Variants in LGSN observed in about 807,000 individuals in gnomAD.
The protein encoded by LGSN is lengsin.
A neutral mutation model predicts 19.5 loss-of-function variants in LGSN; 21 were observed. The observed-to-expected ratio is 1.07, with a 90% CI of 0.76 to 1.55. The LOEUF is 1.55. LGSN is among the 40% of genes most tolerant of loss of function. The pLI is 0.00. For synonymous variants in LGSN, 257 were observed against 215.6 expected, an observed-to-expected ratio of 1.19 and a Z score of -1.68; for missense variants, 673 against 608.5, an observed-to-expected ratio of 1.11 and a Z score of -1.12.
chr6:63,374,953 T>C, the LGSN span, among the ~76,000 whole-genome samples: 1 of 152,216 alleles, frequency 6.6e-6, no homozygotes, highest in African/African-American at 2.4e-5. Context: ...AAAAAAAAGT[T>C]GCTGATAATA....
At chr6:63,322,618 A>G (rs796589042), upstream of LGSN, among the ~76,000 whole-genome samples, 33 of 152,280 alleles carry the variant, frequency 2.2e-4, no homozygotes, top group African/African-American at 7.9e-4. Context: ...CAAAAATTAT[A>G]AGGAGTAATA....
chr6:63,323,569 C>T (rs994621205), upstream of LGSN, among the ~76,000 whole-genome samples: 1,005 of 125,018 alleles, frequency 8.0e-3, 14 homozygotes, highest in African/African-American at 0.025. Flanking sequence ...TACACACACA[C>T]ACACACACAC....
intron 2 of LGSN, among the ~76,000 whole-genome samples, chr6:63,294,523 C>T (rs980667279): frequency 3.3e-5 from 5 of 152,070 alleles, no homozygotes; most frequent in African/African-American, 7.2e-5. Context: ...CTGTTGAAAT[C>T]TAGTTGGAGT....
chr6:63,373,770 C>T, the LGSN span, among the ~76,000 whole-genome samples: 11 of 151,956 alleles, frequency 7.2e-5, no homozygotes, highest in East Asian at 1.9e-4. Context: ...GTCAGAGGTT[C>T]GAGATCAGCC....
the LGSN span, among the ~76,000 whole-genome samples, chr6:63,405,181 A>G: frequency 6.6e-6 from 1 of 151,942 alleles, no homozygotes; most frequent in African/African-American, 2.4e-5. Context: ...TATATGTGCC[A>G]CATTTTCTTA....
chr6:63,373,155 T>C, the LGSN span, among the ~76,000 whole-genome samples: 2 of 152,216 alleles, frequency 1.3e-5, no homozygotes, highest in African/African-American at 2.4e-5. Flanking sequence ...TGCAAACACA[T>C]GTGACTCACC....
chr6:63,526,829 ATATATATTTATT>A, the LGSN span, among the ~76,000 whole-genome samples: 14 of 139,998 alleles, frequency 1.0e-4, no homozygotes, highest in African/African-American at 3.7e-4. Flanking sequence ...ATATATATAT[ATATATATTTATT>A]TATTTATTCT....
At chr6:63,505,355 T>A in the LGSN span, among the ~76,000 whole-genome samples, 1 of 151,518 alleles carries the variant, frequency 6.6e-6, no homozygotes, top group Admixed American at 6.6e-5. Context: ...GGTGGGTGGA[T>A]CACCTTGAGG....
chr6:63,402,721 C>T, the LGSN span, among the ~76,000 whole-genome samples: 3 of 151,578 alleles, frequency 2.0e-5, no homozygotes, highest in Non-Finnish European at 4.4e-5. Flanking sequence ...CATGTGTCAA[C>T]TTGACTAAGC....
rs1262499883 is a variant in LGSN, at chr6:63,276,190, G to T, written c.*3831C>A. The T allele has an allele frequency of 6.6e-6, 1 of 152,184 alleles. No homozygotes were observed. Among genetic ancestry groups the T allele is most frequent in the Non-Finnish European group, 1.5e-5 (1 of 68,026 alleles). 9.4% of individuals were successfully genotyped at this position (152,184 alleles called of 1,614,324 possible). A position where few individuals can be genotyped will look rare whatever the true frequency, so the allele number is the denominator to read the frequency against. On this transcript the variant is annotated 3_prime_UTR_variant, in exon 4 of 4. Coordinates refer to ENST00000370657, the MANE Select transcript of LGSN (RefSeq NM_016571.3). ...TTGGTGAGTGTATTTTGTCAAACAG[G>T]TGACTGGAGATATGTCAATAGACTG...
At chr6:63,332,996 G>A in the LGSN span, among the ~76,000 whole-genome samples, 1 of 151,968 alleles carries the variant, frequency 6.6e-6, no homozygotes, top group Non-Finnish European at 1.5e-5. Flanking sequence ...CTGGCTTCAG[G>A]AGTGAAGCTT....
At chr6:63,465,083 C>T in the LGSN span, among the ~76,000 whole-genome samples, 1 of 151,862 alleles carries the variant, frequency 6.6e-6, no homozygotes, top group Non-Finnish European at 1.5e-5. Flanking sequence ...TTACCCACCC[C>T]ATGCTCTTGT....
chr6:63,549,329 A>G, the LGSN span: 7 of 753,888 alleles, frequency 9.3e-6, no homozygotes, highest in Non-Finnish European at 1.7e-5. Flanking sequence ...GCAACCTGAT[A>G]TAGTGGGGGC....
At chr6:63,564,281 A>C in the LGSN span, among the ~76,000 whole-genome samples, 1 of 152,058 alleles carries the variant, frequency 6.6e-6, no homozygotes, top group African/African-American at 2.4e-5. Flanking sequence ...GTCTCAAAAA[A>C]AAAAAAAAAG....
At chr6:63,479,233 C>G in the LGSN span, among the ~76,000 whole-genome samples, 17 of 152,054 alleles carry the variant, frequency 1.1e-4, no homozygotes, top group Admixed American at 6.6e-5. Flanking sequence ...AGCGTATCAG[C>G]AAGGGAGACC....
chr6:63,556,312 T>A, the LGSN span, among the ~76,000 whole-genome samples: 1 of 151,830 alleles, frequency 6.6e-6, no homozygotes, highest in African/African-American at 2.4e-5. Flanking sequence ...GTGTATAACA[T>A]CAAACTTGGT....
the LGSN span, among the ~76,000 whole-genome samples, chr6:63,431,073 C>CCA: frequency 1.3e-5 from 2 of 152,114 alleles, no homozygotes; most frequent in South Asian, 4.1e-4. Flanking sequence ...CTACAAAGTG[C>CCA]TTTGATATAC....
chr6:63,536,252 C>T, the LGSN span, among the ~76,000 whole-genome samples: 1 of 152,110 alleles, frequency 6.6e-6, no homozygotes, highest in Non-Finnish European at 1.5e-5. Context: ...ATCGCTCGAA[C>T]CTGGGAGGCG....
the LGSN span, among the ~76,000 whole-genome samples, chr6:63,341,519 C>T: frequency 2.0e-5 from 3 of 152,192 alleles, no homozygotes; most frequent in East Asian, 5.8e-4. Context: ...GAAGGTAGCT[C>T]CCAGGCTCTG....
Sources: gnomAD v4.1 joint callset for allele counts (sites outside exome capture counted in the v4.1 genomes callset) on GRCh38, gnomAD v4.1.1 for gene constraint, MANE v1.5 for transcripts, NCBI Gene and HGNC (gene_info 2026-07-23, HGNC 2026-07-21) for gene names.